Variants in SPATC1L observed in about 807,000 individuals in gnomAD.
The protein encoded by SPATC1L is spermatogenesis and centriole associated 1 like, also known as speriolin-like protein.
A neutral mutation model predicts 21.2 loss-of-function variants in SPATC1L; 20 were observed. The ratio of observed to expected loss-of-function variants is 0.94; its 90% CI spans 0.66 to 1.37. SPATC1L has a LOEUF of 1.37. Ranked by LOEUF, SPATC1L falls within the 40% of genes most tolerant of loss-of-function variation. The pLI, the probability that SPATC1L is intolerant of heterozygous loss-of-function variation, is 0.00. For missense variants in SPATC1L, 499 were observed against 478.7 expected, an observed-to-expected ratio of 1.04 and a Z score of -0.40; for synonymous variants, 290 against 234.5, an observed-to-expected ratio of 1.24 and a Z score of -2.16.
At chr21:46,168,013 G>A (rs903196995) in intron 3 of SPATC1L, among the ~76,000 whole-genome samples, 3 of 152,156 alleles carry the variant, frequency 2.0e-5, no homozygotes, top group African/African-American at 7.2e-5. Flanking sequence ...GAAAAACCAT[G>A]GAGTGGGAGA....
chr21:46,171,649 C>T (rs1417064837), intron 2 of SPATC1L, among the ~76,000 whole-genome samples: 1 of 151,926 alleles, frequency 6.6e-6, no homozygotes, highest in Non-Finnish European at 1.5e-5. Context: ...ATTAAAATTT[C>T]AATAAAAGGA....
intron 3 of SPATC1L, among the ~76,000 whole-genome samples, chr21:46,166,070 C>T (rs1455534952): frequency 6.6e-6 from 1 of 152,086 alleles, no homozygotes; most frequent in African/African-American, 2.4e-5. Flanking sequence ...TCAATAATAA[C>T]TTTGAATGTA....
intron 3 of SPATC1L, among the ~76,000 whole-genome samples, chr21:46,165,299 T>G (rs903862115): frequency 1.3e-5 from 2 of 152,248 alleles, no homozygotes; most frequent in Non-Finnish European, 2.9e-5. Context: ...GTCTTATGAT[T>G]AATGGTCCCT....
chr21:46,171,195 G>C (rs375400384), intron 2 of SPATC1L, among the ~76,000 whole-genome samples: 2 of 152,234 alleles, frequency 1.3e-5, no homozygotes, highest in East Asian at 3.8e-4. Flanking sequence ...AGGTCATGTG[G>C]CATTTCCCCA....
chr21:46,172,696 G>C (rs1166548760), intron 2 of SPATC1L, among the ~76,000 whole-genome samples: 2 of 152,232 alleles, frequency 1.3e-5, no homozygotes, highest in Non-Finnish European at 2.9e-5. Context: ...GGATTGGAAG[G>C]GCGGGATGGC....
In SPATC1L at chr21:46,161,304, A is replaced by G; in HGVS notation, c.*75T>C. Reference sequence around the variant, plus strand: ...ACGCGGCCCTTTCCCCTCCGGGGGGACGCGCAGGAGGCACCGCGGCCCCGG... The same window carrying G: ...ACGCGGCCCTTTCCCCTCCGGGGGGGCGCGCAGGAGGCACCGCGGCCCCGG... On this transcript the variant is annotated 3_prime_UTR_variant, in exon 5 of 5. Transcript: ENST00000291672. The G allele has an allele frequency of 1.5e-6, 2 of 1,326,962 alleles. No individual in the cohort carries two copies. Among genetic ancestry groups the G allele is most frequent in the Non-Finnish European group, 2.0e-6 (2 of 1,013,564 alleles). The allele number at this position is 1,326,962 out of a possible 1,614,324, so 82.2% of individuals were successfully genotyped here. A position where few individuals can be genotyped will look rare whatever the true frequency, so the allele number is the denominator to read the frequency against.
chr21:46,164,282 G>A (rs2079524377), intron 3 of SPATC1L, among the ~76,000 whole-genome samples: 1 of 152,042 alleles, frequency 6.6e-6, no homozygotes, highest in Admixed American at 6.6e-5. Context: ...CAAAATGTTG[G>A]GATTACAGGT....
chr21:46,173,347 G>C (rs1254951865), intron 2 of SPATC1L, among the ~76,000 whole-genome samples: 1 of 152,108 alleles, frequency 6.6e-6, no homozygotes, highest in Non-Finnish European at 1.5e-5. Context: ...GCTCCAGTGA[G>C]ACAGCCCCGA....
Position 46,162,038 on chromosome 21 carries a change from C to G in SPATC1L, c.574G>C (p.Asp192His). Reference sequence around the variant, plus strand: ...GCGATCTCGCCCACCACGCGCGCGTCCTTCTCGGCGCCCGCGAAGCTCTGG... The same window carrying G: ...GCGATCTCGCCCACCACGCGCGCGTGCTTCTCGGCGCCCGCGAAGCTCTGG... ...EIQSFAGAEKDARVVGEIAFQ... is the reference protein window; with the variant it reads ...EIQSFAGAEKHARVVGEIAFQ... Residue 192 changes from aspartate (D) to histidine (H), a missense_variant, in exon 4 of 5, where the codon GAC becomes CAC. Physicochemically the swap from Asp to His is moderately conservative, Grantham distance 81. Coordinates refer to ENST00000291672, the MANE Select transcript of SPATC1L (RefSeq NM_001142854.2). 6.3e-7 allele frequency: 1 copy of G among 1,588,266 alleles called. No individual in the cohort carries two copies. The highest frequency in any genetic ancestry group is 8.5e-7 in the Non-Finnish European group (1 of 1,169,766).
At chr21:46,170,433 G>A (rs2079578018) in intron 2 of SPATC1L, among the ~76,000 whole-genome samples, 1 of 136,740 alleles carries the variant, frequency 7.3e-6, no homozygotes, top group African/African-American at 3.1e-5. Context: ...CTGTGGATGG[G>A]GAGGAGCCTC....
chr21:46,179,091 ATT>A (rs755685858), intron 2 of SPATC1L, among the ~76,000 whole-genome samples: 4 of 83,946 alleles, frequency 4.8e-5, no homozygotes, highest in African/African-American at 3.0e-4. Context: ...AAAAAAAAAA[ATT>A]TTTAACTAGC....
chr21:46,174,781 G>T (rs1354804450), intron 2 of SPATC1L, among the ~76,000 whole-genome samples: 1 of 152,130 alleles, frequency 6.6e-6, no homozygotes, highest in South Asian at 2.1e-4. Context: ...AGATATTCAG[G>T]ACATGAACTC....
intron 2 of SPATC1L, among the ~76,000 whole-genome samples, chr21:46,178,860 C>A (rs551443062): frequency 6.6e-6 from 1 of 152,306 alleles, no homozygotes; most frequent in African/African-American, 2.4e-5. Context: ...GCACTCCAGC[C>A]TGGGCAACAG....
chr21:46,181,819 G>C (rs1365971275), intron 2 of SPATC1L, among the ~76,000 whole-genome samples: 1 of 152,206 alleles, frequency 6.6e-6, no homozygotes, highest in African/African-American at 2.4e-5. Context: ...GGAATCCCAG[G>C]CAGTGCTGGG....
chr21:46,169,632 G>T (rs1361799995), intron 2 of SPATC1L, among the ~76,000 whole-genome samples: 34 of 70,758 alleles, frequency 4.8e-4, no homozygotes, highest in Non-Finnish European at 8.1e-4. Flanking sequence ...AGGAGCCCCT[G>T]CTCTGTGAGC....
intron 2 of SPATC1L, among the ~76,000 whole-genome samples, chr21:46,180,400 G>A (rs1283281160): frequency 6.6e-6 from 1 of 152,224 alleles, no homozygotes; most frequent in Non-Finnish European, 1.5e-5. Context: ...GGAGGGGGCC[G>A]GAGGCGTGGC....
intron 4 of SPATC1L, 49 bp from the exon 5 acceptor site, chr21:46,161,754 C>A: frequency 1.3e-6 from 2 of 1,503,552 alleles, no homozygotes. Context: ...GGCCCTCGGA[C>A]GGGGACTTCC....
At chr21:46,172,163 G>GCGGGGGATGCACAGAGCGTGAGA (rs1569001375) in intron 2 of SPATC1L, among the ~76,000 whole-genome samples, 1 of 112,406 alleles carries the variant, frequency 8.9e-6, no homozygotes, top group Non-Finnish European at 1.8e-5. Flanking sequence ...AGAGCGTGAG[G>GCGGGGGATGCACAGAGCGTGAGA]CGGGGGATGC....
chr21:46,163,933 T>G (rs1466535020), intron 3 of SPATC1L, among the ~76,000 whole-genome samples: 1 of 152,198 alleles, frequency 6.6e-6, no homozygotes, highest in African/African-American at 2.4e-5. Context: ...CATATCAAAA[T>G]TATTGATTTT....
Sources: gnomAD v4.1 joint callset for allele counts (sites outside exome capture counted in the v4.1 genomes callset) on GRCh38, gnomAD v4.1.1 for gene constraint, MANE v1.5 for transcripts, NCBI Gene and HGNC (gene_info 2026-07-23, HGNC 2026-07-21) for gene names.